Variants in ENOX1 observed in about 807,000 individuals in gnomAD.
The protein encoded by ENOX1 is ecto-NOX disulfide-thiol exchanger 1, also known as candidate growth-related and time keeping constitutive hydroquinone (NADH) oxidase.
ENOX1 carries 42 observed loss-of-function variants against 82.5 expected under a neutral mutation model. The ratio of observed to expected loss-of-function variants is 0.51; its 90% CI spans 0.40 to 0.66. The LOEUF is 0.66. ENOX1 is among the 30% of genes least tolerant of loss of function. ENOX1 has a pLI of 0.00. For synonymous variants in ENOX1, 271 were observed against 282.2 expected, an observed-to-expected ratio of 0.96 and a Z score of 0.40; for missense variants, 608 against 811.6, an observed-to-expected ratio of 0.75 and a Z score of 3.05.
intron 2 of ENOX1, among the ~76,000 whole-genome samples, chr13:43,516,891 T>C (rs2077580299): frequency 6.6e-6 from 1 of 152,214 alleles, no homozygotes; most frequent in African/African-American, 2.4e-5. Context: ...ATTGTGTACA[T>C]GTTAAACACA....
intron 2 of ENOX1, among the ~76,000 whole-genome samples, chr13:43,622,361 C>A (rs2082773011): frequency 6.6e-6 from 1 of 152,158 alleles, no homozygotes; most frequent in African/African-American, 2.4e-5. Flanking sequence ...CTGGTTCCTT[C>A]TCATTTGGGT....
At chr13:43,661,346 G>A (rs1376736367) in intron 2 of ENOX1, among the ~76,000 whole-genome samples, 2 of 152,162 alleles carry the variant, frequency 1.3e-5, no homozygotes, top group South Asian at 2.1e-4. Flanking sequence ...ATGAAGAGAC[G>A]AATCTGTCTT....
chr13:43,500,291 T>C (rs1049316498), intron 2 of ENOX1, among the ~76,000 whole-genome samples: 3 of 152,114 alleles, frequency 2.0e-5, no homozygotes, highest in African/African-American at 7.2e-5. Context: ...TAGGAGAAAT[T>C]ACTATTAAAT....
At chr13:43,657,661 C>T (rs1218442144) in intron 2 of ENOX1, among the ~76,000 whole-genome samples, 1 of 152,184 alleles carries the variant, frequency 6.6e-6, no homozygotes, top group Non-Finnish European at 1.5e-5. Flanking sequence ...AAGTGGAGCT[C>T]TAGAAAGGTG....
At chr13:43,717,557 T>G (rs902406119) in intron 1 of ENOX1, among the ~76,000 whole-genome samples, 9 of 152,094 alleles carry the variant, frequency 5.9e-5, no homozygotes, top group African/African-American at 2.2e-4. Context: ...TAATTAAAAC[T>G]AAAGAGCTTC....
chr13:43,223,977 TGCAGAGTCCACCTGCAG>T, intron 16 of ENOX1, 59 bp downstream of exon 16: 1 of 1,117,516 alleles, frequency 8.9e-7, no homozygotes, highest in Non-Finnish European at 1.3e-6. Context: ...GTTCAGTTCA[TGCAGAGTCCACCTGCAG>T]GCAGCAATCA....
intron 2 of ENOX1, among the ~76,000 whole-genome samples, chr13:43,612,377 T>C (rs2082234735): frequency 6.6e-6 from 1 of 152,162 alleles, no homozygotes; most frequent in Non-Finnish European, 1.5e-5. Flanking sequence ...GAGAGTATCA[T>C]ATTTGAGAGA....
At chr13:43,375,641 A>C (rs1171456807) in intron 5 of ENOX1, among the ~76,000 whole-genome samples, 1 of 152,058 alleles carries the variant, frequency 6.6e-6, no homozygotes, top group Admixed American at 6.6e-5. Flanking sequence ...GCCTGACCAT[A>C]CTCTGAATAG....
chr13:43,639,912 C>T (rs1001627716), intron 2 of ENOX1, among the ~76,000 whole-genome samples: 6 of 152,006 alleles, frequency 3.9e-5, no homozygotes, highest in Admixed American at 3.9e-4. Flanking sequence ...GCCTGTAGTC[C>T]CAACTCCTCA....
At chr13:43,511,425 G>A (rs1429494072) in intron 2 of ENOX1, among the ~76,000 whole-genome samples, 1 of 152,052 alleles carries the variant, frequency 6.6e-6, no homozygotes, top group African/African-American at 2.4e-5. Context: ...ACATTTACAT[G>A]GACTTTGTGC....
chr13:43,254,591 G>A (rs2043640757), intron 14 of ENOX1, among the ~76,000 whole-genome samples: 1 of 152,138 alleles, frequency 6.6e-6, no homozygotes, highest in Admixed American at 6.5e-5. Flanking sequence ...AATATCCACT[G>A]CTTATTATCC....
At chr13:43,267,478 C>G (rs142000700) in intron 13 of ENOX1, among the ~76,000 whole-genome samples, 1 of 152,216 alleles carries the variant, frequency 6.6e-6, no homozygotes, top group Non-Finnish European at 1.5e-5. Context: ...ATTCCCAGCA[C>G]GGGGCAATCC....
rs550956632 is a variant in ENOX1 at position 43,420,750 on chromosome 13, C to T, written c.-74-7762G>A. ...CTCAGCCCCTCCCCAGAAATGTCAG[C>T]TAAATCTGTTACTCCTTATTTCTTA... On this transcript the variant is annotated intron_variant, in intron 3 of 16. Coordinates refer to ENST00000690772, the MANE Select transcript of ENOX1 (RefSeq NM_001347969.2). Among the ~76,000 whole-genome samples the T allele has an allele frequency of 9.2e-5, 14 of 152,230 alleles. No homozygotes were observed. In the South Asian group the frequency reaches 2.9e-3, roughly 32 times the overall value.
intron 11 of ENOX1, among the ~76,000 whole-genome samples, chr13:43,314,772 T>C (rs1372379165): frequency 6.6e-6 from 1 of 152,214 alleles, no homozygotes; most frequent in Non-Finnish European, 1.5e-5. Flanking sequence ...CTGGCCTACA[T>C]ATATATAGCT....
intron 11 of ENOX1, among the ~76,000 whole-genome samples, chr13:43,309,709 G>C (rs2047078024): frequency 6.6e-6 from 1 of 152,142 alleles, no homozygotes; most frequent in Non-Finnish European, 1.5e-5. Context: ...TTTATAAACT[G>C]TCTGGATGGA....
At chr13:43,565,628 A>G (rs1172938877) in intron 2 of ENOX1, among the ~76,000 whole-genome samples, 1 of 152,134 alleles carries the variant, frequency 6.6e-6, no homozygotes, top group Admixed American at 6.6e-5. Context: ...CATTTGGGAG[A>G]ATTTCAGTTA....
intron 16 of ENOX1, among the ~76,000 whole-genome samples, chr13:43,215,533 T>C (rs2041426381): frequency 6.6e-6 from 1 of 152,230 alleles, no homozygotes; most frequent in African/African-American, 2.4e-5. Context: ...GTGAGATTCG[T>C]GAGCAGATAT....
At chr13:43,729,034 C>T (rs772532428) in intron 1 of ENOX1, among the ~76,000 whole-genome samples, 4 of 152,126 alleles carry the variant, frequency 2.6e-5, no homozygotes, top group South Asian at 2.1e-4. Context: ...ATAACCACCA[C>T]AAAAACCACT....
intron 2 of ENOX1, among the ~76,000 whole-genome samples, chr13:43,497,725 G>A (rs909068821): frequency 6.6e-5 from 10 of 152,002 alleles, no homozygotes; most frequent in Non-Finnish European, 1.0e-4. Context: ...TCAGGACTTG[G>A]TATTAGAATT....
Sources: allele counts gnomAD v4.1 joint callset (sites outside exome capture counted in the v4.1 genomes callset), GRCh38; gene constraint gnomAD v4.1.1; transcripts MANE v1.5; gene names NCBI Gene and HGNC (gene_info 2026-07-23, HGNC 2026-07-21).